Variants in PTCHD4 observed in about 807,000 individuals in gnomAD.
The protein encoded by PTCHD4 is patched domain containing 4.
A neutral mutation model predicts 58.1 loss-of-function variants in PTCHD4; 33 were observed. The ratio of observed to expected loss-of-function variants is 0.57; its 90% CI spans 0.43 to 0.76. The LOEUF (loss-of-function observed/expected upper bound fraction) is 0.76. PTCHD4 is among the 30% of genes least tolerant of loss of function. The probability of loss-of-function intolerance (pLI) is 0.00; values close to 1 mark genes in which losing one functional copy is unlikely to be tolerated. For missense variants in PTCHD4, 1,058 were observed against 1,027.1 expected, an observed-to-expected ratio of 1.03 and a Z score of -0.41; for synonymous variants, 478 against 409.6, an observed-to-expected ratio of 1.17 and a Z score of -2.02.
At chr6:47,915,814 C>G (rs1329613726) in intron 4 of PTCHD4, among the ~76,000 whole-genome samples, 1 of 152,100 alleles carries the variant, frequency 6.6e-6, no homozygotes, top group Admixed American at 6.6e-5. Context: ...ACACCCCTAA[C>G]TTCACAAAAT....
chr6:48,101,003 G>A (rs1208483708), intron 1 of PTCHD4, among the ~76,000 whole-genome samples: 1 of 151,332 alleles, frequency 6.6e-6, no homozygotes, highest in Non-Finnish European at 1.5e-5. Flanking sequence ...TAAATATGGA[G>A]GTATAAATTT....
intron 3 of PTCHD4, among the ~76,000 whole-genome samples, chr6:48,019,413 A>G (rs1398949501): frequency 6.6e-6 from 1 of 151,804 alleles, no homozygotes. Context: ...GGTCAGGGAA[A>G]GATAAGTAAG....
At chr6:47,907,789 A>C (rs1207593987) in intron 4 of PTCHD4, among the ~76,000 whole-genome samples, 2 of 152,078 alleles carry the variant, frequency 1.3e-5, no homozygotes, top group Non-Finnish European at 2.9e-5. Context: ...CTGGACTTCC[A>C]ATTCCACCTG....
At chr6:48,093,139 AT>A (rs1727606084) in intron 1 of PTCHD4, among the ~76,000 whole-genome samples, 1 of 152,176 alleles carries the variant, frequency 6.6e-6, no homozygotes, top group African/African-American at 2.4e-5. Flanking sequence ...GTCTTAAATT[AT>A]TTTAAAAGCA....
At chr6:47,894,494 G>A (rs1382706453) in intron 4 of PTCHD4, among the ~76,000 whole-genome samples, 1 of 152,260 alleles carries the variant, frequency 6.6e-6, no homozygotes, top group Admixed American at 6.5e-5. Flanking sequence ...TTCCTCATAT[G>A]CAAGACAAAG....
Position 48,002,000 on chromosome 6 carries a change from C to T in PTCHD4, c.898+6634G>A, listed in dbSNP as rs550252156. On this transcript the variant is annotated intron_variant, in intron 4 of 4. Coordinates refer to ENST00000339488, the MANE Select transcript of PTCHD4 (RefSeq NM_001384253.1). ...AAGACATTTATGCAGCCAAAAGACA[C>T]ATGAAAAAATGTTCATCATCACTGG... 1.2e-4 allele frequency among the ~76,000 whole-genome samples: 19 copies of T among 152,286 alleles called. 1 individual carries two copies. The highest frequency in any genetic ancestry group is 2.4e-4 in the Non-Finnish European group (16 of 68,024).
At chr6:48,081,588 ATATAAAGT>A (rs1765168358) in intron 1 of PTCHD4, among the ~76,000 whole-genome samples, 1 of 152,188 alleles carries the variant, frequency 6.6e-6, no homozygotes. Context: ...TATGCATATT[ATATAAAGT>A]TATAAAATAA....
rs1479135701 is a variant in PTCHD4 at position 47,872,004 on chromosome 6, G to A, written c.*6299C>T. Among the ~76,000 whole-genome samples the A allele has an allele frequency of 6.6e-6, 1 of 150,794 alleles. No homozygotes were observed. The highest frequency in any genetic ancestry group is 2.4e-5 in the African/African-American group (1 of 41,162). On this transcript the variant is annotated 3_prime_UTR_variant, in exon 5 of 5. Transcript: ENST00000339488. ...ATAGATGCTACAGACTGTACCAGGA[G>A]ATGCAAGAATATGACGGCTTATTCT... is the stretch of plus-strand genomic sequence containing the variant.
At chr6:48,047,603 T>C (rs1764081070) in intron 3 of PTCHD4, among the ~76,000 whole-genome samples, 1 of 151,836 alleles carries the variant, frequency 6.6e-6, no homozygotes, top group Non-Finnish European at 1.5e-5. Flanking sequence ...AAAATTAGTA[T>C]ATTGAGATCC....
intron 1 of PTCHD4, among the ~76,000 whole-genome samples, chr6:48,071,026 G>C (rs1764966276): frequency 6.6e-6 from 1 of 152,112 alleles, no homozygotes. Flanking sequence ...TTATAAGTAA[G>C]GACACTAGAA....
At chr6:47,932,844 T>C (rs1253390935) in intron 4 of PTCHD4, among the ~76,000 whole-genome samples, 1 of 152,220 alleles carries the variant, frequency 6.6e-6, no homozygotes, top group African/African-American at 2.4e-5. Context: ...CCTGACTCTA[T>C]CTATAAAGTG....
chr6:47,997,469 TG>T (rs1381282602), intron 4 of PTCHD4, among the ~76,000 whole-genome samples: 1 of 152,208 alleles, frequency 6.6e-6, no homozygotes, highest in Non-Finnish European at 1.5e-5. Context: ...TAGTTTAGAA[TG>T]TTACACCTAA....
At chr6:48,075,543 TACAAACCAAAAC>T (rs1765049068) in intron 1 of PTCHD4, among the ~76,000 whole-genome samples, 1 of 152,094 alleles carries the variant, frequency 6.6e-6, no homozygotes, top group Non-Finnish European at 1.5e-5. Context: ...GATTCATATG[TACAAACCAAAAC>T]AAAGTACAGT....
chr6:47,983,910 C>A (rs577217447), intron 4 of PTCHD4, among the ~76,000 whole-genome samples: 12 of 152,054 alleles, frequency 7.9e-5, no homozygotes, highest in Non-Finnish European at 1.8e-4. Flanking sequence ...TATGTAAATT[C>A]ATGACAATAT....
At chr6:48,101,915 T>C (rs1024257182) in intron 1 of PTCHD4, among the ~76,000 whole-genome samples, 1 of 152,152 alleles carries the variant, frequency 6.6e-6, no homozygotes, top group African/African-American at 2.4e-5. Flanking sequence ...TGATGCTGCC[T>C]CTCTATGAAG....
At position 47,960,134 on chromosome 6, in the gene PTCHD4, T is replaced by C. The variant is rs549331245; in HGVS notation, c.898+48500A>G. Reference sequence around the variant, plus strand: ...TTATACTATGTATGTAGTGGTAAAGTACCACTTGAAGGTAGACTGATAAAG... The same window carrying C: ...TTATACTATGTATGTAGTGGTAAAGCACCACTTGAAGGTAGACTGATAAAG... On this transcript the variant is annotated intron_variant, in intron 4 of 4. Coordinates refer to ENST00000339488, the MANE Select transcript of PTCHD4 (RefSeq NM_001384253.1). 5.9e-5 allele frequency among the ~76,000 whole-genome samples: 9 copies of C among 152,284 alleles called. No homozygotes were observed. The South Asian group carries it at 1.7e-3, about 28-fold the overall frequency.
At chr6:47,971,006 A>C (rs749812363) in intron 4 of PTCHD4, among the ~76,000 whole-genome samples, 1 of 152,160 alleles carries the variant, frequency 6.6e-6, no homozygotes, top group Non-Finnish European at 1.5e-5. Context: ...GGCGTCAACT[A>C]CTTCACTCTA....
chr6:48,001,513 A>T (rs890433961), intron 4 of PTCHD4, among the ~76,000 whole-genome samples: 1 of 152,234 alleles, frequency 6.6e-6, no homozygotes, highest in African/African-American at 2.4e-5. Context: ...TGGGGAAAGG[A>T]TTCCCTATTT....
At chr6:47,892,506 GAATTTAAC>G (rs1255164476) in intron 4 of PTCHD4, among the ~76,000 whole-genome samples, 1 of 152,160 alleles carries the variant, frequency 6.6e-6, no homozygotes, top group African/African-American at 2.4e-5. Context: ...CCATATGCCT[GAATTTAAC>G]AGTTCATTAA....
Sources: gnomAD v4.1 joint callset for allele counts (sites outside exome capture counted in the v4.1 genomes callset) on GRCh38, gnomAD v4.1.1 for gene constraint, MANE v1.5 for transcripts, NCBI Gene and HGNC (gene_info 2026-07-23, HGNC 2026-07-21) for gene names.